PTPN22: variants seen among roughly 807,000 people sequenced by gnomAD.
The protein encoded by PTPN22 is protein tyrosine phosphatase non-receptor type 22.
Under a neutral mutation model 103.3 loss-of-function variants are expected in PTPN22, and 85 were observed. That is an observed-to-expected ratio of 0.82 (90% CI 0.69 to 0.99). The LOEUF (loss-of-function observed/expected upper bound fraction) is 0.99, where lower values mean the gene tolerates loss of function less well. Among genes scored for constraint, PTPN22 ranks in the 50% least tolerant of loss-of-function variants. The probability of loss-of-function intolerance (pLI) is 0.00; values close to 1 mark genes in which losing one functional copy is unlikely to be tolerated. For missense variants in PTPN22, 865 were observed against 936.9 expected, an observed-to-expected ratio of 0.92 and a Z score of 1.00; for synonymous variants, 323 against 310.2, an observed-to-expected ratio of 1.04 and a Z score of -0.43.
At chr1:113,826,995 G>A (rs2101908126) in intron 18 of PTPN22, among the ~76,000 whole-genome samples, 1 of 152,226 alleles carries the variant, frequency 6.6e-6, no homozygotes, top group Admixed American at 6.5e-5. Flanking sequence ...TCTCTTCAAG[G>A]AACCTACCCA....
intron 18 of PTPN22, among the ~76,000 whole-genome samples, chr1:113,828,032 C>T (rs1280275260): frequency 6.6e-6 from 1 of 152,138 alleles, no homozygotes; most frequent in Non-Finnish European, 1.5e-5. Flanking sequence ...ATATAAAGGG[C>T]ATACCATGCT....
chr1:113,832,848 G>A, intron 16 of PTPN22: 1 of 317,716 alleles, frequency 3.1e-6, no homozygotes, highest in Non-Finnish European at 5.8e-6. Flanking sequence ...TGGAAAAGCT[G>A]CAAAGTTTTA....
At chr1:113,835,980 T>G (rs973226556) in intron 13 of PTPN22, among the ~76,000 whole-genome samples, 7 of 152,104 alleles carry the variant, frequency 4.6e-5, no homozygotes, top group Admixed American at 1.3e-4. Context: ...TTTTTAATGA[T>G]GCAGATGCTC....
In PTPN22 at chr1:113,856,704, A is replaced by G. The variant is rs1665111204; in HGVS notation, c.409-85T>C. ...CTCATTTGGAAGCAAATTCAGCTCT[A>G]TGTCCTTCACCTTAGGTTAGGTGCG... On this transcript the variant is annotated intron_variant, in intron 5 of 20. Transcript: ENST00000359785. The G allele has an allele frequency of 3.8e-6, 6 of 1,585,756 alleles. No homozygotes were observed. In the East Asian group the frequency reaches 9.1e-5, roughly 24 times the overall value.
intron 9 of PTPN22, among the ~76,000 whole-genome samples, chr1:113,852,814 A>G (rs1664683927): frequency 1.3e-5 from 2 of 152,372 alleles, no homozygotes; most frequent in South Asian, 4.1e-4. Context: ...CTGACAAAGT[A>G]GAAATAGAAA....
At chr1:113,837,467 A>G (rs1291306111) in intron 13 of PTPN22, 123 bp downstream of exon 13, 7 of 751,740 alleles carry the variant, frequency 9.3e-6, no homozygotes, top group African/African-American at 3.6e-5. Flanking sequence ...AAAAAGAAAA[A>G]AAAGAGAAAA....
chr1:113,858,960 A>G (rs777034617), intron 3 of PTPN22, 42 bp downstream of exon 3: 3 of 1,592,690 alleles, frequency 1.9e-6, no homozygotes, highest in East Asian at 4.5e-5. Flanking sequence ...TTTTTTGGGT[A>G]TCTAGAGAAA....
chr1:113,854,441 A>G, intron 9 of PTPN22, 30 bp downstream of exon 9: 1 of 1,583,684 alleles, frequency 6.3e-7, no homozygotes, highest in Non-Finnish European at 8.7e-7. Context: ...AGACTAAGCA[A>G]ATGGGAAGTG....
intron 15 of PTPN22, 146 bp downstream of exon 15, chr1:113,834,163 A>C: frequency 1.2e-6 from 1 of 851,812 alleles, no homozygotes; most frequent in Non-Finnish European, 1.8e-6. Flanking sequence ...TGTCTTATAC[A>C]TCCTTTTTAT....
intron 1 of PTPN22, among the ~76,000 whole-genome samples, chr1:113,870,089 G>A (rs765191255): frequency 6.6e-6 from 1 of 152,096 alleles, no homozygotes; most frequent in Non-Finnish European, 1.5e-5. Flanking sequence ...TTTGTTCACC[G>A]CTGTATTTTT....
chr1:113,842,136 A>C (rs1205103491), intron 11 of PTPN22, among the ~76,000 whole-genome samples: 3 of 152,036 alleles, frequency 2.0e-5, no homozygotes, highest in Non-Finnish European at 4.4e-5. Flanking sequence ...TTAAGGCCCA[A>C]GAGTTTGAGG....
At chr1:113,850,272 G>T (rs532580695) in intron 10 of PTPN22, among the ~76,000 whole-genome samples, 1 of 132,102 alleles carries the variant, frequency 7.6e-6, no homozygotes, top group African/African-American at 2.9e-5. Flanking sequence ...AAGGAAGGAA[G>T]GAAAGAAAGG....
At chr1:113,815,702 A>G (rs888663560) in intron 20 of PTPN22, among the ~76,000 whole-genome samples, 1 of 152,144 alleles carries the variant, frequency 6.6e-6, no homozygotes, top group Non-Finnish European at 1.5e-5. Context: ...TGTCTGAGAC[A>G]GAGTCTTGCT....
At chr1:113,838,151 A>C (rs754741906) in exon 13 of PTPN22, 5 of 1,614,150 alleles carry the variant, frequency 3.1e-6, no homozygotes. Context: ...AGAGAGCCCA[A>C]ATCCAAACTT....
At chr1:113,839,209 C>T (rs1368717553) in intron 11 of PTPN22, among the ~76,000 whole-genome samples, 4 of 152,258 alleles carry the variant, frequency 2.6e-5, no homozygotes. Context: ...GACCACCCAA[C>T]CTAAAATCAC....
chr1:113,825,309 C>T, intron 18 of PTPN22, 137 bp from the exon 19 acceptor site: 1 of 620,260 alleles, frequency 1.6e-6, no homozygotes, highest in Non-Finnish European at 2.7e-6. Flanking sequence ...GTTGTTTTTC[C>T]ATCTTGCCAT....
chr1:113,833,112 T>G (rs1286339479), exon 16 of PTPN22: 1 of 1,566,482 alleles, frequency 6.4e-7, no homozygotes, highest in Non-Finnish European at 8.8e-7. Flanking sequence ...AATTTTTACC[T>G]GATTTAGGAC....
At chr1:113,870,261 G>T (rs1490185598) in intron 1 of PTPN22, among the ~76,000 whole-genome samples, 1 of 152,060 alleles carries the variant, frequency 6.6e-6, no homozygotes, top group Non-Finnish European at 1.5e-5. Flanking sequence ...AGAAAACAGA[G>T]AGATTTAAGA....
At chr1:113,830,380 AC>A (rs1391382936) in intron 16 of PTPN22, among the ~76,000 whole-genome samples, 2 of 152,196 alleles carry the variant, frequency 1.3e-5, no homozygotes, top group Non-Finnish European at 2.9e-5. Flanking sequence ...AATCTAGAAG[AC>A]TAAGCAGTCT....
Sources: allele counts gnomAD v4.1 joint callset (sites outside exome capture counted in the v4.1 genomes callset), GRCh38; gene constraint gnomAD v4.1.1; transcripts MANE v1.5; gene names NCBI Gene and HGNC (gene_info 2026-07-23, HGNC 2026-07-21).